The following ARHGAP39 variants were observed in gnomAD, a reference collection of about 807,000 sequenced individuals.
ARHGAP39 encodes the protein rho GTPase-activating protein 39.
In ARHGAP39, 44 loss-of-function variants were observed where a neutral mutation model predicts 106.9. The observed-to-expected ratio is 0.41, with a 90% CI of 0.32 to 0.53. ARHGAP39 has a LOEUF of 0.53. Ranked by LOEUF, ARHGAP39 falls within the 20% of genes least tolerant of loss-of-function variation. ARHGAP39 has a pLI of 0.21. For missense variants in ARHGAP39, 1,496 were observed against 1,577.3 expected, an observed-to-expected ratio of 0.95 and a Z score of 0.87; for synonymous variants, 768 against 693.2, an observed-to-expected ratio of 1.11 and a Z score of -1.69.
chr8:144,566,673 T>C (rs921576415), intron 3 of ARHGAP39, among the ~76,000 whole-genome samples: 43 of 151,828 alleles, frequency 2.8e-4, no homozygotes, highest in African/African-American at 9.9e-4. Flanking sequence ...CTGGCCAACA[T>C]GGTGAAACGC....
At chr8:144,633,302 CA>C (rs1260466090) in intron 1 of ARHGAP39, among the ~76,000 whole-genome samples, 1 of 151,888 alleles carries the variant, frequency 6.6e-6, no homozygotes, top group Non-Finnish European at 1.5e-5. Flanking sequence ...ACTAAAAACA[CA>C]GAAAAATTAG....
At chr8:144,562,119 C>G (rs992244927) in intron 3 of ARHGAP39, among the ~76,000 whole-genome samples, 7 of 145,218 alleles carry the variant, frequency 4.8e-5, no homozygotes, top group Non-Finnish European at 1.0e-4. Context: ...ATCGGACTTA[C>G]TCCAGTGGTT....
chr8:144,614,338 T>C (rs940120035), intron 1 of ARHGAP39, among the ~76,000 whole-genome samples: 14 of 152,050 alleles, frequency 9.2e-5, no homozygotes, highest in Non-Finnish European at 1.3e-4. Flanking sequence ...TGCATATTTT[T>C]TGTGTTCCTG....
chr8:144,688,145 C>T (rs147408747), upstream of ARHGAP39, among the ~76,000 whole-genome samples: 1,920 of 151,358 alleles, frequency 0.013, 15 homozygotes, highest in Admixed American at 0.025. Context: ...GCTGTGTCAC[C>T]TAGGCTGGAG....
rs140711943 is a variant in ARHGAP39, at chr8:144,586,067, C to G, written c.81-4790G>C. Among the ~76,000 whole-genome samples the G allele has an allele frequency of 6.5e-3, 986 of 152,316 alleles. 12 individuals carry two copies. Among genetic ancestry groups the G allele is most frequent in the African/African-American group, 0.022 (935 of 41,568 alleles). ...GATCTCAGCTCACTGCAACCTCCAC[C>G]TCCCAGGTTTAAGCAGTTCTCCTGC... is the stretch of plus-strand genomic sequence containing the variant. On this transcript the variant is annotated intron_variant, in intron 2 of 11. Transcript: ENST00000377307. This position sits in a 1 kb window ranked among gnomAD's most constrained non-coding sequence, Gnocchi z 4.2.
At chr8:144,544,176 G>A (rs779585289) in intron 6 of ARHGAP39, among the ~76,000 whole-genome samples, 2 of 152,248 alleles carry the variant, frequency 1.3e-5, no homozygotes, top group Admixed American at 1.3e-4. Flanking sequence ...GTGTTGAAAA[G>A]TCGGGTGAAA....
intron 3 of ARHGAP39, 140 bp downstream of exon 3, chr8:144,580,706 C>G: frequency 9.1e-7 from 1 of 1,101,856 alleles, no homozygotes; most frequent in Non-Finnish European, 1.2e-6. Context: ...CATACCCGAC[C>G]TACTCCTAAC....
At chr8:144,546,857 T>G (rs2130841569) in intron 5 of ARHGAP39, among the ~76,000 whole-genome samples, 2 of 152,292 alleles carry the variant, frequency 1.3e-5, no homozygotes, top group South Asian at 4.1e-4. Flanking sequence ...AGTCAGGGTG[T>G]GGCCTCCAGC....
chr8:144,664,928 GA>G (rs1456266007), intron 1 of ARHGAP39, among the ~76,000 whole-genome samples: 1 of 152,210 alleles, frequency 6.6e-6, no homozygotes, highest in Non-Finnish European at 1.5e-5. Context: ...AACGACTTTG[GA>G]AATGGGTAAC....
chr8:144,675,611 TA>T lies in ARHGAP39; in HGVS notation c.-82+10074del, dbSNP rs374083377. Among the ~76,000 whole-genome samples the T allele has an allele frequency of 2.8e-3, 428 of 151,580 alleles. 5 individuals are homozygous for T. The highest frequency in any genetic ancestry group is 9.5e-3 in the African/African-American group (390 of 41,238). ...AGCTGCAGACCTTTGTGGTTAGTGT[TA>T]CAGCTCTTAAAGGCAGTGCATCTGG... On this transcript the variant is annotated intron_variant, in intron 1 of 11. Coordinates refer to ENST00000377307, the MANE Select transcript of ARHGAP39 (RefSeq NM_025251.3).
At chr8:144,651,153 C>T (rs1343587733) in intron 1 of ARHGAP39, among the ~76,000 whole-genome samples, 3 of 152,106 alleles carry the variant, frequency 2.0e-5, no homozygotes, top group African/African-American at 7.2e-5. Flanking sequence ...ATCCCATTCA[C>T]AAATGCCACA....
intron 2 of ARHGAP39, among the ~76,000 whole-genome samples, chr8:144,582,939 C>G (rs544323931): frequency 2.0e-5 from 3 of 152,276 alleles, no homozygotes; most frequent in South Asian, 4.1e-4. Flanking sequence ...ACAACTCCCC[C>G]CAAACAAATG....
intron 1 of ARHGAP39, among the ~76,000 whole-genome samples, chr8:144,662,285 G>A (rs977090120): frequency 1.3e-4 from 11 of 83,658 alleles, no homozygotes; most frequent in East Asian, 1.1e-3. Context: ...ACCATTCCCC[G>A]ACTCCCCGTT....
chr8:144,530,621 T>C lies in ARHGAP39; in HGVS notation c.3151-5A>G, dbSNP rs555374132. 352 of 1,036,610 alleles carry C rather than the reference T, an allele frequency of 3.4e-4. 5 individuals carry two copies. In the East Asian group the frequency reaches 0.033, roughly 98 times the overall value. 64.2% of individuals were successfully genotyped at this position (1,036,610 alleles called of 1,614,324 possible). On this transcript the variant is annotated splice_region_variant and splice_polypyrimidine_tract_variant and intron_variant, in intron 11 of 11. Coordinates refer to ENST00000377307, the MANE Select transcript of ARHGAP39 (RefSeq NM_025251.3). ...GTTGGCCGGCTGCACGAAGACCTGG[T>C]GGAGGAGCGAGGGTGGGCGCGGAGG... is the stretch of plus-strand genomic sequence containing the variant.
At chr8:144,589,809 G>A (rs1032693772) in intron 2 of ARHGAP39, among the ~76,000 whole-genome samples, 6 of 152,332 alleles carry the variant, frequency 3.9e-5, no homozygotes, top group African/African-American at 1.4e-4. Context: ...CACAGCCCAG[G>A]CGCCTGTGAG....
intron 1 of ARHGAP39, among the ~76,000 whole-genome samples, chr8:144,656,001 C>T (rs1447742050): frequency 1.3e-5 from 2 of 152,066 alleles, no homozygotes. Context: ...AATCCCATGC[C>T]CAGTTAAACT....
At chr8:144,655,556 G>A (rs1001775626) in intron 1 of ARHGAP39, among the ~76,000 whole-genome samples, 2 of 152,048 alleles carry the variant, frequency 1.3e-5, no homozygotes, top group Non-Finnish European at 2.9e-5. Context: ...TGACCTGCCA[G>A]CAGAGAGGAG....
In ARHGAP39 at chr8:144,604,682, A is replaced by T. The variant is rs1042506104; in HGVS notation, c.80+853T>A. On this transcript the variant is annotated intron_variant, in intron 2 of 11. Coordinates refer to ENST00000377307, the MANE Select transcript of ARHGAP39 (RefSeq NM_025251.3). This position sits in a 1 kb window ranked among gnomAD's most constrained non-coding sequence, Gnocchi z 4.1. ...AAAGCTGTGGAATTCTTCCAGATTA[A>T]AAAAGGCCAAGGAGAGAGAGGCAGT... Among the ~76,000 whole-genome samples, 16 of 152,152 alleles carry T rather than the reference A, an allele frequency of 1.1e-4. No homozygotes were observed. Among genetic ancestry groups the T allele is most frequent in the Non-Finnish European group, 2.1e-4 (14 of 68,036 alleles).
In ARHGAP39 at chr8:144,547,487, G is replaced by A; in HGVS notation, c.1599C>T (p.Leu533=). 1.3e-6 allele frequency: 2 copies of A among 1,527,210 alleles called. No homozygotes were observed. The highest frequency in any genetic ancestry group is 1.4e-5 in the African/African-American group (1 of 73,178). 94.6% of individuals were successfully genotyped at this position (1,527,210 alleles called of 1,614,324 possible). A position where few individuals can be genotyped will look rare whatever the true frequency, so the allele number is the denominator to read the frequency against. Residue 533 remains leucine (L), a synonymous_variant, in exon 5 of 12, where the codon CTC becomes CTT. Transcript: ENST00000377307. The surrounding 1 kb of genome is among the most constrained non-coding windows in gnomAD (Gnocchi z 5.2). ...CACCTTCCGCTCGCTTCACGGGGGCGAGGCTGGTCCCGCACGGGGGCTGTT... is the reference window on the plus strand; with the variant it reads ...CACCTTCCGCTCGCTTCACGGGGGCAAGGCTGGTCCCGCACGGGGGCTGTT... ...AEEQPPCGTS[L]APVKRAEGEA...
Sources: gnomAD v4.1 joint callset for allele counts (sites outside exome capture counted in the v4.1 genomes callset) on GRCh38, gnomAD v4.1.1 for gene constraint, Gnocchi (gnomAD v3.1) non-coding constraint, MANE v1.5 for transcripts, NCBI Gene and HGNC (gene_info 2026-07-23, HGNC 2026-07-21) for gene names.